CACNA2D3: variants seen among roughly 807,000 people sequenced by gnomAD.
CACNA2D3 encodes the protein voltage-dependent calcium channel subunit alpha-2/delta-3.
Under a neutral mutation model 160.6 loss-of-function variants are expected in CACNA2D3, and 60 were observed. That is an observed-to-expected ratio of 0.37 (90% confidence interval 0.30 to 0.46). The LOEUF (loss-of-function observed/expected upper bound fraction) is 0.46, where lower values mean the gene tolerates loss of function less well. Ranked by LOEUF, CACNA2D3 falls within the 20% of genes least tolerant of loss-of-function variation. The pLI is 1.00. For synonymous variants in CACNA2D3, 558 were observed against 492.9 expected (o/e 1.13, Z -1.75); for missense variants, 1,205 against 1,365.0 (o/e 0.88, Z 1.85).
Position 54,212,517 on chromosome 3 carries a change from G to C in CACNA2D3, c.204+88923G>C, listed in dbSNP as rs1014376706. ...TTTACCATGTAGATGAAGCCTCTAA[G>C]TAGCAGGCGTCAGAGAGAATAGATT... On this transcript the variant is annotated intron_variant, in intron 2 of 37. Transcript: ENST00000474759. Among the ~76,000 whole-genome samples the C allele has an allele frequency of 3.3e-5, 5 of 152,218 alleles. No homozygotes were observed. The South Asian group carries it at 1.0e-3, about 31-fold the overall frequency.
At chr3:54,177,273 T>G (rs1156646259) in intron 2 of CACNA2D3, among the ~76,000 whole-genome samples, 1 of 152,232 alleles carries the variant, frequency 6.6e-6, no homozygotes, top group Non-Finnish European at 1.5e-5. Context: ...TGTGCCTTGT[T>G]ACAATTTCAG....
intron 2 of CACNA2D3, among the ~76,000 whole-genome samples, chr3:54,299,878 T>C (rs1703435364): frequency 6.6e-6 from 1 of 152,236 alleles, no homozygotes; most frequent in African/African-American, 2.4e-5. Flanking sequence ...AAGCGTTTTG[T>C]TGCTGGTTTT....
intron 27 of CACNA2D3, among the ~76,000 whole-genome samples, chr3:54,966,109 A>G (rs561862545): frequency 6.6e-6 from 1 of 152,134 alleles, no homozygotes; most frequent in East Asian, 1.9e-4. Context: ...GGAGGTGAAG[A>G]TGAGGGCTCC....
rs17253119 is a variant in CACNA2D3, at chr3:54,896,746, A to G, written c.2247-3A>G. 0.11 allele frequency: 179,261 copies of G among 1,613,662 alleles called. 10,957 individuals carry two copies. Among genetic ancestry groups the G allele is most frequent in the African/African-American group, 0.15 (11,395 of 74,980 alleles). ...TGTTCTTCTGATTCTTTTCCACTTC[A>G]AGGGACTTCCTGAAAGCTGGCGACA... On this transcript the variant is annotated splice_region_variant and splice_polypyrimidine_tract_variant and intron_variant, in intron 25 of 37. Coordinates refer to ENST00000474759, the MANE Select transcript of CACNA2D3 (RefSeq NM_018398.3).
At chr3:54,460,544 A>G (rs1219377490) in intron 4 of CACNA2D3, among the ~76,000 whole-genome samples, 2 of 152,152 alleles carry the variant, frequency 1.3e-5, no homozygotes, top group African/African-American at 4.8e-5. Flanking sequence ...GCAATTGTGA[A>G]TGGGAGTTCA....
chr3:54,332,536 A>G (rs978903577), intron 3 of CACNA2D3, among the ~76,000 whole-genome samples: 4 of 152,202 alleles, frequency 2.6e-5, no homozygotes, highest in African/African-American at 9.7e-5. Context: ...TGTGTAAATC[A>G]AGTTCAGGTT....
chr3:54,658,536 A>C (rs1307947038), intron 11 of CACNA2D3, among the ~76,000 whole-genome samples: 1 of 152,140 alleles, frequency 6.6e-6, no homozygotes, highest in Non-Finnish European at 1.5e-5. Context: ...TTTGTTTGCT[A>C]TTTTTAGGAA....
chr3:54,703,550 A>G (rs1700804993), intron 11 of CACNA2D3, among the ~76,000 whole-genome samples: 1 of 152,204 alleles, frequency 6.6e-6, no homozygotes, highest in Admixed American at 6.5e-5. Flanking sequence ...AGCGCTGGCC[A>G]CATAGTGAAG....
intron 27 of CACNA2D3, among the ~76,000 whole-genome samples, chr3:54,964,903 C>T (rs1702114061): frequency 6.6e-6 from 1 of 151,872 alleles, no homozygotes; most frequent in Non-Finnish European, 1.5e-5. Context: ...TACTCTCGAT[C>T]CCTTACTCTC....
At chr3:54,797,693 G>A (rs1485739436) in intron 13 of CACNA2D3, among the ~76,000 whole-genome samples, 1 of 152,124 alleles carries the variant, frequency 6.6e-6, no homozygotes, top group Non-Finnish European at 1.5e-5. Flanking sequence ...GTGACTTCTT[G>A]AGTTTGTAAT....
chr3:54,204,796 G>GAAAAAAAAAAAA (rs57129457), intron 2 of CACNA2D3, among the ~76,000 whole-genome samples: 2 of 74,074 alleles, frequency 2.7e-5, no homozygotes, highest in Non-Finnish European at 5.9e-5. Flanking sequence ...ATGCTGTCTT[G>GAAAAAAAAAAAA]AAAAAAAAAA....
intron 3 of CACNA2D3, among the ~76,000 whole-genome samples, chr3:54,338,911 C>T (rs1427183217): frequency 6.6e-6 from 1 of 152,174 alleles, no homozygotes; most frequent in Non-Finnish European, 1.5e-5. Flanking sequence ...GTAGCCACAG[C>T]AGCTATTAGC....
intron 27 of CACNA2D3, among the ~76,000 whole-genome samples, chr3:54,928,807 C>T (rs891641518): frequency 1.3e-5 from 2 of 151,806 alleles, no homozygotes; most frequent in African/African-American, 4.8e-5. Context: ...AGGTCCTGGC[C>T]CTTCCCTCAC....
intron 27 of CACNA2D3, among the ~76,000 whole-genome samples, chr3:54,939,566 C>A (rs2106979364): frequency 6.6e-6 from 1 of 152,334 alleles, no homozygotes; most frequent in African/African-American, 2.4e-5. Flanking sequence ...AGGGATTGGG[C>A]AAAGTGTGCT....
chr3:54,700,137 G>T (rs1033840141), intron 11 of CACNA2D3, among the ~76,000 whole-genome samples: 2 of 152,154 alleles, frequency 1.3e-5, no homozygotes, highest in Admixed American at 6.5e-5. Context: ...CTATTACAAC[G>T]TGTAAGTGAT....
In CACNA2D3 at chr3:54,654,303, C is replaced by T. The variant is rs537595463; in HGVS notation, c.1167+12062C>T. On this transcript the variant is annotated intron_variant, in intron 11 of 37. Coordinates refer to ENST00000474759, the MANE Select transcript of CACNA2D3 (RefSeq NM_018398.3). ...TTGGGGTTTTGAGGGGGTTAGGGTG[C>T]CCTCCGGGGCTTGGCAAAGAGTGTT... 2.1e-4 allele frequency among the ~76,000 whole-genome samples: 32 copies of T among 152,196 alleles called. No homozygotes were observed. In the South Asian group the frequency reaches 5.8e-3, roughly 28 times the overall value.
At chr3:54,465,716 C>G (rs1700611235) in intron 4 of CACNA2D3, among the ~76,000 whole-genome samples, 1 of 152,204 alleles carries the variant, frequency 6.6e-6, no homozygotes, top group African/African-American at 2.4e-5. Flanking sequence ...ACCGCAATTA[C>G]TTTTGCATCA....
At chr3:54,317,553 T>C (rs1246737312) in intron 2 of CACNA2D3, among the ~76,000 whole-genome samples, 1 of 152,154 alleles carries the variant, frequency 6.6e-6, no homozygotes, top group African/African-American at 2.4e-5. Context: ...TTTTTCTTTT[T>C]TGAGACAGAG....
rs1347059943 is a variant in CACNA2D3 at position 54,254,065 on chromosome 3, G to T, written c.205-66377G>T. Among the ~76,000 whole-genome samples the T allele has an allele frequency of 2.6e-5, 4 of 152,056 alleles. No homozygotes were observed. The East Asian group carries it at 7.7e-4, about 29-fold the overall frequency. On this transcript the variant is annotated intron_variant, in intron 2 of 37. Transcript: ENST00000474759. ...TAGGTGTGAGCAACTGCGCCCGGCC[G>T]ATTTCCTGTGTTTCTTACAGTGAGC...
Sources: allele counts gnomAD v4.1 joint callset (sites outside exome capture counted in the v4.1 genomes callset), GRCh38; gene constraint gnomAD v4.1.1; transcripts MANE v1.5; gene names NCBI Gene and HGNC (gene_info 2026-07-23, HGNC 2026-07-21).